PECAM1: variants seen among roughly 807,000 people sequenced by gnomAD.
PECAM1 encodes the protein platelet and endothelial cell adhesion molecule 1, also known as platelet endothelial cell adhesion molecule.
PECAM1 carries 8 observed loss-of-function variants against 13.8 expected under a neutral mutation model. That is an observed-to-expected ratio of 0.58 (90% CI 0.34 to 1.05). The LOEUF is 1.05. Among genes scored for constraint, PECAM1 ranks in the 50% least tolerant of loss-of-function variants. The pLI is 0.03. For synonymous variants in PECAM1, 136 were observed against 52.6 expected (o/e 2.58, Z -6.86); for missense variants, 304 against 141.2 (o/e 2.15, Z -5.84).
chr17:64,369,765 C>T lies in PECAM1; in HGVS notation c.952G>A (p.Val318Met), dbSNP rs1052793471. The T allele has an allele frequency of 2.5e-5, 10 of 398,558 alleles. No homozygotes were observed. The highest frequency in any genetic ancestry group is 4.4e-5 in the Admixed American group (1 of 22,716). The allele number at this position is 398,558 out of a possible 1,614,324, so 24.7% of individuals were successfully genotyped here. A position where few individuals can be genotyped will look rare whatever the true frequency, so the allele number is the denominator to read the frequency against. ...GCAGCCCTACCTGTTATGTTGACCA[C>T]GATGCTGCTGACCTTGGATATGCGG... ...SSRISKVSSI[V>M]VNITELFSKP... Residue 318 changes from valine to methionine, a missense_variant, in exon 5 of 16, where the codon GTG (valine) becomes ATG (methionine). Val to Met is a conservative substitution (Grantham distance 21). Transcript: ENST00000563924.
intron 13 of PECAM1, among the ~76,000 whole-genome samples, chr17:64,345,831 C>T (rs999337504): frequency 1.7e-3 from 266 of 152,152 alleles, no homozygotes; most frequent in Middle Eastern, 6.8e-3. Flanking sequence ...ACACAACCCC[C>T]GGGGGCCATT....
rs1263382849 is a variant in PECAM1 at position 64,355,043 on chromosome 17, G to GAAAAC, written c.1781-8_1781-4dup. ...TTTCTTCCATGGGGCAAGAATGACT[G>GAAAAC]AAAACAAAACAAAACAAAAAATTTT... On this transcript the variant is annotated splice_polypyrimidine_tract_variant and splice_region_variant and intron_variant, in intron 8 of 15. Coordinates refer to ENST00000563924, the MANE Select transcript of PECAM1 (RefSeq NM_000442.5). The GAAAAC allele has an allele frequency of 4.2e-6, 2 of 475,210 alleles. No homozygotes were observed. Among genetic ancestry groups the GAAAAC allele is most frequent in the Admixed American group, 3.2e-5 (1 of 31,726 alleles). The allele number at this position is 475,210 out of a possible 1,614,324, so 29.4% of individuals were successfully genotyped here.
At chr17:64,348,424 T>C (rs2035635323) in intron 12 of PECAM1, 102 bp from the exon 13 acceptor site, 1 of 373,296 alleles carries the variant, frequency 2.7e-6, no homozygotes, top group Non-Finnish European at 4.8e-6. Context: ...TTTTTTTTTT[T>C]TGAGACAGAG....
intron 13 of PECAM1, among the ~76,000 whole-genome samples, chr17:64,346,875 C>T (rs1459277012): frequency 6.6e-6 from 1 of 152,182 alleles, no homozygotes; most frequent in Non-Finnish European, 1.5e-5. Flanking sequence ...AAGTGTCCCT[C>T]TAAATGGCAA....
At chr17:64,359,898 G>A (rs1393204978) in intron 7 of PECAM1, among the ~76,000 whole-genome samples, 9 of 151,902 alleles carry the variant, frequency 5.9e-5, no homozygotes, top group Non-Finnish European at 1.0e-4. Flanking sequence ...GATTATAGGC[G>A]CACGCCACCA....
chr17:64,365,632 T>C (rs1334073978), intron 5 of PECAM1, among the ~76,000 whole-genome samples: 4 of 151,876 alleles, frequency 2.6e-5, no homozygotes, highest in Non-Finnish European at 5.9e-5. Flanking sequence ...GAGATATAGA[T>C]CAATGGAACG....
intron 4 of PECAM1, chr17:64,370,408 A>G (rs1479148351): frequency 6.2e-6 from 1 of 160,750 alleles, no homozygotes; most frequent in African/African-American, 2.4e-5. Context: ...CAGCATGAAG[A>G]TACTATAGCT....
chr17:64,367,002 A>G (rs1319482877), intron 5 of PECAM1, among the ~76,000 whole-genome samples: 8 of 57,994 alleles, frequency 1.4e-4, no homozygotes, highest in Non-Finnish European at 5.2e-4. Context: ...CTGAAACTCC[A>G]TTTCAAAAAA....
chr17:64,353,193 T>C (rs1224818310), intron 10 of PECAM1, among the ~76,000 whole-genome samples: 1 of 152,074 alleles, frequency 6.6e-6, no homozygotes, highest in African/African-American at 2.4e-5. Flanking sequence ...CTACTACCAT[T>C]ATAATTTCAT....
At chr17:64,356,049 G>A in intron 8 of PECAM1, 62 bp downstream of exon 8, 1 of 474,742 alleles carries the variant, frequency 2.1e-6, no homozygotes, top group Admixed American at 3.2e-5. Context: ...TACAAGGGGT[G>A]TGTTTTCTGG....
intron 10 of PECAM1, among the ~76,000 whole-genome samples, chr17:64,353,172 A>C (rs889249586): frequency 1.3e-5 from 2 of 152,140 alleles, no homozygotes; most frequent in South Asian, 4.1e-4. Flanking sequence ...GTCAAATTTT[A>C]AAAAATTTAT....
At chr17:64,354,904 T>C in intron 9 of PECAM1, 29 bp downstream of exon 9, 2 of 475,094 alleles carry the variant, frequency 4.2e-6, no homozygotes, top group Non-Finnish European at 3.9e-6. Flanking sequence ...GGACGACCAG[T>C]CAGTATGGAA....
At chr17:64,361,483 G>T (rs2035979144) in intron 6 of PECAM1, among the ~76,000 whole-genome samples, 1 of 151,938 alleles carries the variant, frequency 6.6e-6, no homozygotes, top group South Asian at 2.1e-4. Context: ...GCCAGTCACG[G>T]TGGCTCATGC....
chr17:64,344,099 C>T (rs996478216), intron 13 of PECAM1, among the ~76,000 whole-genome samples: 12 of 152,044 alleles, frequency 7.9e-5, no homozygotes, highest in East Asian at 1.9e-4. Flanking sequence ...GGGGTGGTCA[C>T]GGCCAGCTCA....
At chr17:64,334,396 C>T (rs12948373) in intron 14 of PECAM1, among the ~76,000 whole-genome samples, 71,640 of 151,892 alleles carry the variant, frequency 0.47, 18,120 homozygotes, top group East Asian at 0.69. Flanking sequence ...AAATAGGCAG[C>T]CCTGAAATGC....
chr17:64,381,037 T>C (rs2036471133), intron 2 of PECAM1, among the ~76,000 whole-genome samples: 3 of 152,188 alleles, frequency 2.0e-5, no homozygotes, highest in African/African-American at 4.8e-5. Context: ...ATTAATATTT[T>C]ACAAGTCAGC....
intron 13 of PECAM1, among the ~76,000 whole-genome samples, chr17:64,346,647 G>GT (rs1229283861): frequency 6.6e-6 from 1 of 152,010 alleles, no homozygotes; most frequent in Non-Finnish European, 1.5e-5. Context: ...GGAGATGCAT[G>GT]TTTTTTATGG....
intron 13 of PECAM1, among the ~76,000 whole-genome samples, chr17:64,345,036 G>C (rs903546481): frequency 8.2e-4 from 125 of 152,276 alleles, no homozygotes; most frequent in African/African-American, 2.9e-3. Flanking sequence ...ATTTTTTGTA[G>C]AAATAAGTTC....
intron 14 of PECAM1, 101 bp downstream of exon 14, chr17:64,341,533 T>C (rs1358846621): frequency 7.3e-6 from 3 of 411,194 alleles, no homozygotes. Flanking sequence ...CACCCCTTTT[T>C]TGGCCTTCTT....
Sources: allele counts gnomAD v4.1 joint callset (sites outside exome capture counted in the v4.1 genomes callset), GRCh38; gene constraint gnomAD v4.1.1; transcripts MANE v1.5; gene names NCBI Gene and HGNC (gene_info 2026-07-23, HGNC 2026-07-21).